VASP: variants seen among roughly 807,000 people sequenced by gnomAD.
VASP encodes the protein vasodilator stimulated phosphoprotein.
In VASP, 27 loss-of-function variants were observed where a neutral mutation model predicts 54.4. The observed-to-expected ratio is 0.50, with a 90% CI of 0.37 to 0.68. VASP has a LOEUF of 0.68. VASP is among the 30% of genes least tolerant of loss of function. The pLI, the probability that VASP is intolerant of heterozygous loss-of-function variation, is 0.00. For synonymous variants in VASP, 233 were observed against 209.8 expected (o/e 1.11, Z -0.96); for missense variants, 488 against 528.3 (o/e 0.92, Z 0.75).
Position 45,522,378 on chromosome 19 carries a change from C to G in VASP, c.517C>G (p.Pro173Ala), listed in dbSNP as rs552257314. The G allele has an allele frequency of 5.5e-5, 84 of 1,536,890 alleles. No individual in the cohort carries two copies. In the African/African-American group the frequency reaches 1.0e-3, roughly 19 times the overall value. The stretch of plus-strand genomic sequence containing the variant: ...TCCCCCCGCTGGGGGTCCACCCCCA[C>G]CACCAGGACCTCCCCCTCCTCCAGG... ...PAPPAGGPPPPPGPPPPPGPP... is the reference protein window; with the variant it reads ...PAPPAGGPPPAPGPPPPPGPP... The change falls in exon 6 of 13, where the codon CCA (proline) becomes GCA (alanine). Residue 173 changes from proline to alanine, a missense_variant. By Grantham distance (27) the Pro-to-Ala change is conservative (BLOSUM62 -1). Transcript: ENST00000245932.
intron 1 of VASP, among the ~76,000 whole-genome samples, chr19:45,514,407 T>TG (rs371109383): frequency 0.01 from 1,541 of 152,066 alleles, 20 homozygotes; most frequent in African/African-American, 0.034. Context: ...TTTTTAGAGA[T>TG]GGGGGGTCTC....
At chr19:45,523,190 ATTTTT>A (rs61288703) in intron 7 of VASP, among the ~76,000 whole-genome samples, 104 of 74,700 alleles carry the variant, frequency 1.4e-3, no homozygotes, top group South Asian at 4.8e-3. Flanking sequence ...AATCTCTTGA[ATTTTT>A]TTTTTTTTTT....
chr19:45,517,856 C>G (rs778583855), intron 2 of VASP, 22 bp downstream of exon 2: 71 of 1,610,694 alleles, frequency 4.4e-5, no homozygotes, highest in Admixed American at 6.7e-5. Flanking sequence ...CGCCGGCCCC[C>G]TCTGTGGGCT....
chr19:45,524,057 CTT>C (rs759124825), intron 9 of VASP, 38 bp from the exon 10 acceptor site: 17 of 1,613,882 alleles, frequency 1.1e-5, no homozygotes, highest in Admixed American at 8.3e-5. Flanking sequence ...GGGGGGCAGT[CTT>C]TTGTCCCTGA....
intron 1 of VASP, among the ~76,000 whole-genome samples, chr19:45,514,636 C>CCT (rs1375529601): frequency 6.6e-6 from 1 of 152,204 alleles, no homozygotes; most frequent in Non-Finnish European, 1.5e-5. Flanking sequence ...CAGTCCAGAG[C>CCT]CTCAGTAGGG....
At chr19:45,523,611 G>A (rs190520486) in intron 7 of VASP, 33 bp from the exon 8 acceptor site, 36 of 1,612,628 alleles carry the variant, frequency 2.2e-5, no homozygotes, top group African/African-American at 1.2e-4. Flanking sequence ...GTTGGGTGAC[G>A]GAAGCACGTG....
chr19:45,517,159 TAA>T (rs1968720557), intron 1 of VASP, among the ~76,000 whole-genome samples: 1 of 150,078 alleles, frequency 6.7e-6, no homozygotes, highest in Non-Finnish European at 1.5e-5. Context: ...AAAATAATAA[TAA>T]TAATTATTAT....
intron 3 of VASP, 38 bp downstream of exon 3, chr19:45,518,132 C>T (rs374238997): frequency 5.3e-4 from 853 of 1,597,102 alleles, no homozygotes; most frequent in Non-Finnish European, 6.7e-4. Flanking sequence ...CCAGTGAATG[C>T]GGCTGTGTGG....
Position 45,521,330 on chromosome 19 carries a change from C to A in VASP, c.352C>A (p.Pro118Thr). ...TCTCTCTCACCTTTCAGGAGGTGGG[C>A]CCCCTCCACCCCCAGCACTTCCCAC... Reference protein sequence around the residue: ...SALEALEGGGPPPPPALPTWS... With the variant: ...SALEALEGGGTPPPPALPTWS... Residue 118 changes from proline (P) to threonine (T), a missense_variant, in exon 4 of 13, where the codon CCC (proline) becomes ACC (threonine). Around this residue, in one of 4 missense-constraint regions of VASP, gnomAD observed 226 missense variants for 196.0 expected, o/e 1.15. Coordinates refer to ENST00000245932, the MANE Select transcript of VASP (RefSeq NM_003370.4). 6.3e-7 allele frequency: 1 copy of A among 1,575,972 alleles called. No homozygotes were observed. Among genetic ancestry groups the A allele is most frequent in the Non-Finnish European group, 8.6e-7 (1 of 1,160,722 alleles).
chr19:45,512,594 TTTTG>T (rs1024401909), intron 1 of VASP, among the ~76,000 whole-genome samples: 23 of 147,086 alleles, frequency 1.6e-4, no homozygotes, highest in African/African-American at 2.3e-4. Context: ...AGCCTACCTT[TTTTG>T]TTTGTTTGTT....
At chr19:45,510,871 C>T (rs1033507979) in intron 1 of VASP, among the ~76,000 whole-genome samples, 3 of 148,276 alleles carry the variant, frequency 2.0e-5, no homozygotes, top group Non-Finnish European at 4.4e-5. Context: ...AGGTTGAGGC[C>T]GCAATGAGTC....
rs71173173 is a variant in VASP at position 45,513,468 on chromosome 19, C to CTTTTTTTTTTTTTTTTTTTTTTTTT, written c.6-4174_6-4173insTTTTTTTTTTTTTTTTTTTTTTTTT. ...CATCTTGCCCAAGCTAGTCTCTCTC[C>CTTTTTTTTTTTTTTTTTTTTTTTTT]TTTTTTTTTTTTTTTTTTTTTGAGA... On this transcript the variant is annotated intron_variant, in intron 1 of 12. Coordinates refer to ENST00000245932, the MANE Select transcript of VASP (RefSeq NM_003370.4). 1.5e-4 allele frequency among the ~76,000 whole-genome samples: 14 copies of CTTTTTTTTTTTTTTTTTTTTTTTTT among 92,788 alleles called. 1 individual carries two copies. The highest frequency in any genetic ancestry group is 2.8e-4 in the Admixed American group (2 of 7,176). The allele number at this position is 92,788 out of a possible 152,430, so 60.9% of individuals were successfully genotyped here.
intron 1 of VASP, among the ~76,000 whole-genome samples, chr19:45,515,625 C>T (rs935344460): frequency 1.1e-4 from 16 of 152,260 alleles, no homozygotes; most frequent in African/African-American, 3.6e-4. Flanking sequence ...CGGCCTCCAC[C>T]TCCTGGGTTC....
At chr19:45,508,944 C>T (rs978377195) in intron 1 of VASP, among the ~76,000 whole-genome samples, 3 of 152,166 alleles carry the variant, frequency 2.0e-5, no homozygotes, top group African/African-American at 7.2e-5. Flanking sequence ...TCCCCTGGCC[C>T]CCCATAATCT....
chr19:45,517,649 C>A lies in VASP; in HGVS notation c.6-14C>A, dbSNP rs370151695. 3 of 1,602,878 alleles carry A rather than the reference C, an allele frequency of 1.9e-6. No individual in the cohort carries two copies. The African/African-American group carries it at 4.0e-5, about 21-fold the overall frequency. ...AAGGTGACCGGCCCCTCTCCCTTTT[C>A]CTCCCGCCTGCAGCGAGACGGTCAT... On this transcript the variant is annotated splice_polypyrimidine_tract_variant and intron_variant, in intron 1 of 12. Transcript: ENST00000245932.
At chr19:45,523,598 T>G (rs754243336) in intron 7 of VASP, 46 bp from the exon 8 acceptor site, 2 of 1,608,276 alleles carry the variant, frequency 1.2e-6, no homozygotes, top group Non-Finnish European at 1.7e-6. Context: ...CAGAAGGGGA[T>G]GGGTTGGGTG....
chr19:45,514,088 C>T (rs745581957), intron 1 of VASP, among the ~76,000 whole-genome samples: 6 of 152,060 alleles, frequency 3.9e-5, no homozygotes, highest in Non-Finnish European at 5.9e-5. Context: ...GAGTGAGGGA[C>T]GGCTTCTTGG....
Position 45,522,484 on chromosome 19 carries a change from C to T in VASP, c.623C>T (p.Pro208Leu). ...HGAGGGPPPA[P>L]PLPAAQGPGG... ...GCAGGGGGAGGACCACCCCCTGCAC[C>T]CCCTCTCCCGGCAGCACAGGGCCCT... is the stretch of plus-strand genomic sequence containing the variant. Residue 208 changes from proline (P) to leucine (L), a missense_variant, in exon 6 of 13, where the codon CCC becomes CTC. By Grantham distance (98) the Pro-to-Leu change is moderately conservative. Around this residue, in one of 4 missense-constraint regions of VASP, gnomAD observed 226 missense variants for 196.0 expected, o/e 1.15. Transcript: ENST00000245932. The T allele has an allele frequency of 6.8e-7, 1 of 1,470,748 alleles. No homozygotes were observed. 91.1% of individuals were successfully genotyped at this position (1,470,748 alleles called of 1,614,324 possible).
At position 45,507,741 on chromosome 19, in the gene VASP, C is replaced by G. The variant is rs1235389446; in HGVS notation, c.-31C>G. ...AGGGGCGCCCCGGGAGCAGCCAGCCCGTGGGCGAGCCGCCCGCCCGCCGAG... is the reference window on the plus strand; with the variant it reads ...AGGGGCGCCCCGGGAGCAGCCAGCCGGTGGGCGAGCCGCCCGCCCGCCGAG... On this transcript the variant is annotated 5_prime_UTR_variant, in exon 1 of 13. Transcript: ENST00000245932. This position sits in a 1 kb window ranked among gnomAD's most constrained non-coding sequence, Gnocchi z 4.4. The G allele has an allele frequency of 2.6e-6, 4 of 1,511,554 alleles. 1 individual carries two copies. The South Asian group carries it at 4.8e-5, about 18-fold the overall frequency. The allele number at this position is 1,511,554 out of a possible 1,614,324, so 93.6% of individuals were successfully genotyped here.
Sources: allele counts gnomAD v4.1 joint callset (sites outside exome capture counted in the v4.1 genomes callset), GRCh38; gene constraint gnomAD v4.1.1; regional missense constraint gnomAD v4.1.1; non-coding constraint Gnocchi (gnomAD v3.1); transcripts MANE v1.5; gene names NCBI Gene and HGNC (gene_info 2026-07-23, HGNC 2026-07-21).